LIN9: variants seen among roughly 807,000 people sequenced by gnomAD.
LIN9 encodes the protein protein lin-9 homolog.
Under a neutral mutation model 78.0 loss-of-function variants are expected in LIN9, and 18 were observed. That is an observed-to-expected ratio of 0.23 (90% CI 0.16 to 0.34). The LOEUF (loss-of-function observed/expected upper bound fraction) is 0.34. Ranked by LOEUF, LIN9 falls within the 10% of genes least tolerant of loss-of-function variation. The pLI, the probability that LIN9 is intolerant of heterozygous loss-of-function variation, is 1.00. For synonymous variants in LIN9, 192 were observed against 215.2 expected (o/e 0.89, Z 0.94); for missense variants, 451 against 644.1 (o/e 0.70, Z 3.25).
chr1:226,303,437 T>C (rs113777534), intron 1 of LIN9, among the ~76,000 whole-genome samples: 2,014 of 152,190 alleles, frequency 0.013, 43 homozygotes, highest in African/African-American at 0.046. Flanking sequence ...ACTATTTGTA[T>C]ATAAGGTGTT....
intron 1 of LIN9, among the ~76,000 whole-genome samples, chr1:226,304,534 TAAAC>T (rs1662778220): frequency 6.6e-6 from 1 of 152,046 alleles, no homozygotes; most frequent in African/African-American, 2.4e-5. Flanking sequence ...ATAAAGGAAA[TAAAC>T]AGGGTGATAT....
intron 1 of LIN9, among the ~76,000 whole-genome samples, chr1:226,302,968 C>T (rs958361785): frequency 6.7e-6 from 1 of 148,412 alleles, no homozygotes; most frequent in East Asian, 2.0e-4. Context: ...AAGACACTTA[C>T]TTTCACTCTA....
intron 7 of LIN9, among the ~76,000 whole-genome samples, chr1:226,273,256 ATTTTTTTTTT>A (rs34679926): frequency 2.3e-5 from 2 of 87,270 alleles, no homozygotes; most frequent in Admixed American, 2.8e-4. Flanking sequence ...TAATTAGGTA[ATTTTTTTTTT>A]TTTTTTTTTT....
At chr1:226,283,764 A>G (rs1342319139) in intron 6 of LIN9, among the ~76,000 whole-genome samples, 1 of 152,120 alleles carries the variant, frequency 6.6e-6, no homozygotes, top group African/African-American at 2.4e-5. Flanking sequence ...TCTGACCAAC[A>G]TGGTGAAACC....
chr1:226,238,116 C>T (rs1657856006), intron 12 of LIN9, among the ~76,000 whole-genome samples: 2 of 152,160 alleles, frequency 1.3e-5, no homozygotes, highest in Non-Finnish European at 2.9e-5. Context: ...TGTTGAACCA[C>T]TCTCATATGA....
intron 11 of LIN9, among the ~76,000 whole-genome samples, chr1:226,239,480 T>G (rs1657963838): frequency 6.6e-6 from 1 of 152,246 alleles, no homozygotes; most frequent in Non-Finnish European, 1.5e-5. Context: ...CAATTGACGC[T>G]GTACCTGGAA....
intron 6 of LIN9, among the ~76,000 whole-genome samples, chr1:226,285,381 C>T (rs549746394): frequency 5.9e-5 from 9 of 152,282 alleles, no homozygotes; most frequent in Middle Eastern, 3.4e-3. Flanking sequence ...TCAAGGTCAT[C>T]TTGATGACAG....
At chr1:226,242,633 T>C (rs1213616559) in intron 11 of LIN9, among the ~76,000 whole-genome samples, 1 of 152,234 alleles carries the variant, frequency 6.6e-6, no homozygotes, top group Non-Finnish European at 1.5e-5. Flanking sequence ...ACATTACTTA[T>C]ATGCAGACTT....
In LIN9 at chr1:226,283,547, A is replaced by G. The variant is rs546580135; in HGVS notation, c.524+2786T>C. Among the ~76,000 whole-genome samples, 12 of 152,162 alleles carry G rather than the reference A, an allele frequency of 7.9e-5. No homozygotes were observed. The East Asian group carries it at 2.1e-3, about 27-fold the overall frequency. ...AAGATGTGATGGATATTTCTGTACT[A>G]TCTTTCAACTCTGTTTACAGGCTTT... On this transcript the variant is annotated intron_variant, in intron 6 of 14. Coordinates refer to ENST00000681046, the MANE Select transcript of LIN9 (RefSeq NM_001366245.2).
chr1:226,262,189 G>GA (rs1229354573), intron 10 of LIN9, among the ~76,000 whole-genome samples: 1 of 151,982 alleles, frequency 6.6e-6, no homozygotes, highest in East Asian at 1.9e-4. Context: ...AGTAACACAG[G>GA]AAAAAAAATC....
At chr1:226,268,785 C>A (rs747560206) in intron 7 of LIN9, among the ~76,000 whole-genome samples, 23 of 152,194 alleles carry the variant, frequency 1.5e-4, no homozygotes, top group Non-Finnish European at 2.8e-4. Context: ...CAACTTGTTT[C>A]TGGGAGAATT....
Position 226,271,116 on chromosome 1 carries a change from G to C in LIN9, c.683-3026C>G, listed in dbSNP as rs536924538. On this transcript the variant is annotated intron_variant, in intron 7 of 14. Coordinates refer to ENST00000681046, the MANE Select transcript of LIN9 (RefSeq NM_001366245.2). ...CCAGGGGTAAACAACTGTGGCTTAA[G>C]TATGACGTCTCAAACAACTTTCTAT... 9.9e-4 allele frequency among the ~76,000 whole-genome samples: 150 copies of C among 152,240 alleles called. 1 individual carries two copies. The highest frequency in any genetic ancestry group is 3.4e-3 in the African/African-American group (142 of 41,542).
chr1:226,274,256 T>G (rs1329557075), intron 7 of LIN9, among the ~76,000 whole-genome samples: 1 of 152,250 alleles, frequency 6.6e-6, no homozygotes, highest in Admixed American at 6.5e-5. Flanking sequence ...TTTCCGTAGA[T>G]TCCAGTTTAC....
chr1:226,274,660 ATTT>A (rs1004650126), intron 7 of LIN9, among the ~76,000 whole-genome samples: 1 of 135,932 alleles, frequency 7.4e-6, no homozygotes, highest in Non-Finnish European at 1.6e-5. Flanking sequence ...CTGAGGGTCT[ATTT>A]TTTTTTTTCA....
intron 10 of LIN9, among the ~76,000 whole-genome samples, chr1:226,254,069 C>T (rs1219253342): frequency 1.3e-5 from 2 of 152,150 alleles, no homozygotes; most frequent in African/African-American, 4.8e-5. Flanking sequence ...GTAGTAGGGA[C>T]TACAGGGGCG....
At chr1:226,267,832 C>G in intron 8 of LIN9, 125 bp downstream of exon 8, 1 of 995,210 alleles carries the variant, frequency 1.0e-6, no homozygotes, top group South Asian at 1.9e-5. Context: ...GGCTGGGGTC[C>G]CCTAAGGATC....
In LIN9 at chr1:226,287,615, T is replaced by A. The variant is rs1205214798; in HGVS notation, c.398+49A>T. On this transcript the variant is annotated intron_variant, in intron 5 of 14. Transcript: ENST00000681046. ...TTGTAGCTTAAAACACTTGAAAAAC[T>A]TAAATTTCTGATTCAAGTAATATTC... 7.3e-6 allele frequency: 10 copies of A among 1,364,400 alleles called. No homozygotes were observed. The East Asian group carries it at 8.0e-5, about 11-fold the overall frequency. 84.5% of individuals were successfully genotyped at this position (1,364,400 alleles called of 1,614,324 possible).
intron 7 of LIN9, among the ~76,000 whole-genome samples, chr1:226,272,539 CTTTT>C (rs555346267): frequency 2.0e-3 from 265 of 129,796 alleles, no homozygotes; most frequent in Non-Finnish European, 2.9e-3. Flanking sequence ...CATGCTTGAC[CTTTT>C]TTTTTTTTTT....
intron 6 of LIN9, among the ~76,000 whole-genome samples, chr1:226,280,689 C>G (rs967848071): frequency 5.9e-5 from 9 of 152,020 alleles, no homozygotes; most frequent in African/African-American, 1.9e-4. Flanking sequence ...GCAGGAGAGT[C>G]GCTTGAACCT....
Sources: allele counts gnomAD v4.1 joint callset (sites outside exome capture counted in the v4.1 genomes callset), GRCh38; gene constraint gnomAD v4.1.1; transcripts MANE v1.5; gene names NCBI Gene and HGNC (gene_info 2026-07-23, HGNC 2026-07-21).